The following YTHDC2 variants were observed in gnomAD, a reference collection of about 807,000 sequenced individuals.
YTHDC2 encodes YTH N6-methyladenosine RNA binding protein C2.
A neutral mutation model predicts 174.9 loss-of-function variants in YTHDC2; 45 were observed. The ratio of observed to expected loss-of-function variants is 0.26; its 90% CI spans 0.20 to 0.33. The LOEUF (loss-of-function observed/expected upper bound fraction) is 0.33. Ranked by LOEUF, YTHDC2 falls within the 10% of genes least tolerant of loss-of-function variation. YTHDC2 has a pLI of 1.00. For synonymous variants in YTHDC2, 657 were observed against 574.5 expected (o/e 1.14, Z -2.05); for missense variants, 1,650 against 1,723.7 (o/e 0.96, Z 0.76).
chr5:113,570,131 CT>C (rs2112747188), intron 23 of YTHDC2, among the ~76,000 whole-genome samples: 1 of 152,134 alleles, frequency 6.6e-6, no homozygotes, highest in African/African-American at 2.4e-5. Flanking sequence ...GAGTCTTGCT[CT>C]GTCACCCAGG....
chr5:113,581,866 T>G, intron 25 of YTHDC2, 157 bp downstream of exon 25: 1 of 585,408 alleles, frequency 1.7e-6, no homozygotes, highest in Non-Finnish European at 2.6e-6. Context: ...GTTTTCTACT[T>G]GTTCAACTTA....
intron 12 of YTHDC2, among the ~76,000 whole-genome samples, chr5:113,549,726 C>T (rs10039853): frequency 0.31 from 47,108 of 151,752 alleles, 9,469 homozygotes; most frequent in African/African-American, 0.56. Context: ...ACCTGTTCTA[C>T]GTATTCTTTT....
chr5:113,543,603 A>G (rs1040597855), intron 10 of YTHDC2, among the ~76,000 whole-genome samples: 6 of 152,238 alleles, frequency 3.9e-5, no homozygotes, highest in South Asian at 2.1e-4. Context: ...TGATCCTTTC[A>G]TAAAGGAAAT....
chr5:113,519,867 A>C (rs529813074), intron 2 of YTHDC2, among the ~76,000 whole-genome samples: 19 of 152,176 alleles, frequency 1.2e-4, no homozygotes, highest in South Asian at 2.1e-4. Flanking sequence ...CAAAGAGTCA[A>C]TACACATAAT....
intron 26 of YTHDC2, among the ~76,000 whole-genome samples, chr5:113,585,887 A>G (rs1213235719): frequency 1.3e-5 from 2 of 151,916 alleles, no homozygotes; most frequent in Non-Finnish European, 2.9e-5. Context: ...TTTTCCATTC[A>G]TCAGTTGATG....
chr5:113,528,967 G>A (rs1774473798), intron 4 of YTHDC2, among the ~76,000 whole-genome samples: 1 of 151,972 alleles, frequency 6.6e-6, no homozygotes. Flanking sequence ...TCTCTTTACA[G>A]CATTGTTATA....
intron 7 of YTHDC2, among the ~76,000 whole-genome samples, chr5:113,536,213 A>G (rs1265167876): frequency 2.0e-5 from 3 of 152,216 alleles, no homozygotes; most frequent in Admixed American, 1.3e-4. Flanking sequence ...TAAAAAAATG[A>G]TAAATTCCTC....
intron 27 of YTHDC2, 132 bp from the exon 28 acceptor site, chr5:113,591,864 T>G: frequency 1.4e-6 from 1 of 699,032 alleles, no homozygotes; most frequent in Non-Finnish European, 2.0e-6. Flanking sequence ...TTTTTGTTTT[T>G]GTTAGGTATC....
chr5:113,544,577 A>C (rs1252728644), intron 10 of YTHDC2, among the ~76,000 whole-genome samples: 1 of 152,172 alleles, frequency 6.6e-6, no homozygotes, highest in African/African-American at 2.4e-5. Context: ...TAGTATGTTG[A>C]TGTGAAATCT....
chr5:113,580,416 G>C (rs1450696294), intron 24 of YTHDC2, among the ~76,000 whole-genome samples: 1 of 152,092 alleles, frequency 6.6e-6, no homozygotes, highest in African/African-American at 2.4e-5. Flanking sequence ...CTTCTGAATT[G>C]GGGGTTTGAG....
intron 18 of YTHDC2, among the ~76,000 whole-genome samples, chr5:113,561,474 T>TATATATA (rs1554098924): frequency 2.6e-5 from 2 of 76,816 alleles, no homozygotes; most frequent in African/African-American, 2.0e-4. Context: ...TCTATCTATA[T>TATATATA]TTTTTTTTTT....
chr5:113,569,521 G>GA (rs1777578321), intron 23 of YTHDC2, among the ~76,000 whole-genome samples: 1 of 151,960 alleles, frequency 6.6e-6, no homozygotes, highest in Admixed American at 6.6e-5. Context: ...AATTTTTGTC[G>GA]AAGGTGTTAG....
intron 3 of YTHDC2, among the ~76,000 whole-genome samples, chr5:113,525,693 AGTACAT>A (rs1223319983): frequency 6.6e-6 from 1 of 152,156 alleles, no homozygotes; most frequent in African/African-American, 2.4e-5. Context: ...CAGAGTCTTC[AGTACAT>A]TAAGTTGCTC....
intron 2 of YTHDC2, among the ~76,000 whole-genome samples, chr5:113,520,672 T>A (rs879500090): frequency 1.3e-5 from 2 of 152,110 alleles, no homozygotes; most frequent in African/African-American, 2.4e-5. Context: ...TTCACAGAAG[T>A]GAGCAACAAG....
At chr5:113,536,023 A>T (rs1162051620) in intron 7 of YTHDC2, among the ~76,000 whole-genome samples, 2 of 152,176 alleles carry the variant, frequency 1.3e-5, no homozygotes, top group Admixed American at 1.3e-4. Context: ...TTAAAAGGAA[A>T]TATGCTTTAT....
At chr5:113,528,599 C>G (rs920198422) in intron 4 of YTHDC2, among the ~76,000 whole-genome samples, 3 of 73,594 alleles carry the variant, frequency 4.1e-5, no homozygotes, top group African/African-American at 3.7e-4. Flanking sequence ...GCCTCCACCT[C>G]CTGAGCTCCA....
intron 12 of YTHDC2, among the ~76,000 whole-genome samples, chr5:113,552,184 A>G (rs1462165798): frequency 6.6e-6 from 1 of 152,130 alleles, no homozygotes; most frequent in Non-Finnish European, 1.5e-5. Flanking sequence ...ATTGAGATAT[A>G]ATTAATATAC....
chr5:113,567,948 G>C, intron 23 of YTHDC2, 99 bp downstream of exon 23: 2 of 940,538 alleles, frequency 2.1e-6, no homozygotes, highest in East Asian at 5.9e-5. Context: ...AAATTATAAA[G>C]ATTTATATAG....
At chr5:113,550,986 A>C (rs1317300494) in intron 12 of YTHDC2, among the ~76,000 whole-genome samples, 1 of 152,118 alleles carries the variant, frequency 6.6e-6, no homozygotes, top group Non-Finnish European at 1.5e-5. Flanking sequence ...AAAAGAAAAC[A>C]ATGGAGCCTG....
Sources: allele counts gnomAD v4.1 joint callset (sites outside exome capture counted in the v4.1 genomes callset), GRCh38; gene constraint gnomAD v4.1.1; transcripts MANE v1.5; gene names NCBI Gene and HGNC (gene_info 2026-07-23, HGNC 2026-07-21).